Variants in SPAG16 observed in about 807,000 individuals in gnomAD.
SPAG16 encodes the protein sperm-associated antigen 16 protein.
SPAG16 carries 86 observed loss-of-function variants against 80.4 expected under a neutral mutation model. The ratio of observed to expected loss-of-function variants is 1.07; its 90% confidence interval spans 0.90 to 1.28. SPAG16 has a LOEUF of 1.28. Among genes scored for constraint, SPAG16 ranks in the 50% most tolerant of loss-of-function variants. SPAG16 has a pLI of 0.00. For missense variants in SPAG16, 870 were observed against 765.3 expected (o/e 1.14, Z -1.61); for synonymous variants, 294 against 265.9 (o/e 1.11, Z -1.03).
intron 13 of SPAG16, among the ~76,000 whole-genome samples, chr2:214,026,719 G>T (rs574305339): frequency 6.6e-6 from 1 of 151,274 alleles, no homozygotes; most frequent in South Asian, 2.1e-4. Flanking sequence ...CTAGCCTACC[G>T]GTTATTAATC....
chr2:214,204,869 C>A (rs1193091275), intron 15 of SPAG16, among the ~76,000 whole-genome samples: 1 of 151,976 alleles, frequency 6.6e-6, no homozygotes, highest in East Asian at 1.9e-4. Context: ...TTCAGAAAAT[C>A]GATTATTAAG....
chr2:214,229,189 AGT>A (rs373602980), intron 15 of SPAG16, among the ~76,000 whole-genome samples: 33,556 of 151,350 alleles, frequency 0.22, 4,862 homozygotes, highest in African/African-American at 0.42. Context: ...TATAGAAGAA[AGT>A]ATATAAAGGA....
At chr2:213,473,927 G>T (rs769056775) in intron 9 of SPAG16, among the ~76,000 whole-genome samples, 1 of 152,164 alleles carries the variant, frequency 6.6e-6, no homozygotes, top group East Asian at 1.9e-4. Context: ...CAGGTGTTGG[G>T]TGTGGCTCCT....
intron 13 of SPAG16, among the ~76,000 whole-genome samples, chr2:214,049,682 T>C (rs1227607081): frequency 6.6e-6 from 1 of 152,192 alleles, no homozygotes; most frequent in Non-Finnish European, 1.5e-5. Flanking sequence ...ATGGCAGAGC[T>C]GGGGACCAGC....
intron 11 of SPAG16, among the ~76,000 whole-genome samples, chr2:213,879,413 A>G (rs1284405570): frequency 6.6e-6 from 1 of 151,644 alleles, no homozygotes; most frequent in African/African-American, 2.4e-5. Flanking sequence ...ACATATACAC[A>G]CACACACACA....
chr2:213,593,654 C>G (rs1318025194), intron 10 of SPAG16, among the ~76,000 whole-genome samples: 1 of 140,416 alleles, frequency 7.1e-6, no homozygotes, highest in Non-Finnish European at 1.5e-5. Flanking sequence ...ATTATTCCTT[C>G]TCTTTTCTAG....
intron 10 of SPAG16, among the ~76,000 whole-genome samples, chr2:213,556,439 C>T (rs138407974): frequency 9.3e-5 from 14 of 151,326 alleles, no homozygotes; most frequent in African/African-American, 1.9e-4. Context: ...CAAAAGATAG[C>T]GGGGATAGCT....
intron 15 of SPAG16, among the ~76,000 whole-genome samples, chr2:214,162,335 C>T (rs1483783176): frequency 6.6e-6 from 1 of 152,060 alleles, no homozygotes; most frequent in Admixed American, 6.6e-5. Context: ...TTTAACATTC[C>T]ATTGACCATA....
At chr2:213,666,741 A>G (rs2063619179) in intron 10 of SPAG16, among the ~76,000 whole-genome samples, 1 of 152,208 alleles carries the variant, frequency 6.6e-6, no homozygotes, top group African/African-American at 2.4e-5. Context: ...TTTCCAGAAG[A>G]AGAGAAGACT....
At chr2:213,319,611 G>A (rs2063535034) in intron 5 of SPAG16, among the ~76,000 whole-genome samples, 1 of 151,824 alleles carries the variant, frequency 6.6e-6, no homozygotes, top group African/African-American at 2.4e-5. Context: ...ATTTGGTATA[G>A]CATATTTCTC....
intron 13 of SPAG16, among the ~76,000 whole-genome samples, chr2:214,015,712 A>G (rs1449261202): frequency 1.3e-5 from 2 of 152,088 alleles, no homozygotes; most frequent in East Asian, 3.9e-4. Flanking sequence ...TCTGAACACC[A>G]TCCTGTCCTG....
At chr2:213,377,904 T>TATA (rs1491275068) in intron 9 of SPAG16, among the ~76,000 whole-genome samples, 26 of 15,518 alleles carry the variant, frequency 1.7e-3, no homozygotes, top group African/African-American at 7.3e-3. Context: ...TATATATATA[T>TATA]TTTTTTTTTT....
intron 12 of SPAG16, among the ~76,000 whole-genome samples, chr2:213,950,240 C>T (rs890733259): frequency 5.9e-5 from 9 of 152,034 alleles, no homozygotes; most frequent in Admixed American, 1.3e-4. Context: ...TCCTGTGGCC[C>T]GCAGCAGTCT....
intron 10 of SPAG16, among the ~76,000 whole-genome samples, chr2:213,734,416 A>G (rs1280140804): frequency 1.3e-5 from 2 of 152,342 alleles, no homozygotes; most frequent in East Asian, 3.9e-4. Flanking sequence ...ATAAAAAATA[A>G]AGATAAACTG....
intron 1 of SPAG16, among the ~76,000 whole-genome samples, chr2:213,294,585 G>A (rs996783181): frequency 1.3e-5 from 2 of 152,118 alleles, no homozygotes; most frequent in Non-Finnish European, 2.9e-5. Flanking sequence ...ATTAGGAGAG[G>A]CACTTATTCA....
chr2:214,301,841 T>A (rs1576722771), intron 15 of SPAG16, among the ~76,000 whole-genome samples: 2 of 152,258 alleles, frequency 1.3e-5, no homozygotes, highest in Middle Eastern at 6.8e-3. Context: ...TTGTTCTTGT[T>A]TTTTAGTTCC....
At chr2:213,340,117 G>GA in intron 5 of SPAG16, 46 bp from the exon 6 acceptor site, 1 of 1,324,346 alleles carries the variant, frequency 7.6e-7, no homozygotes. Flanking sequence ...ATAATTTTTC[G>GA]AAAAAGAATT....
At chr2:214,230,487 A>C (rs914497036) in intron 15 of SPAG16, among the ~76,000 whole-genome samples, 1 of 152,074 alleles carries the variant, frequency 6.6e-6, no homozygotes, top group African/African-American at 2.4e-5. Flanking sequence ...TTATTACATT[A>C]AACTTTTAAG....
intron 15 of SPAG16, among the ~76,000 whole-genome samples, chr2:214,173,052 G>T (rs1161603960): frequency 1.3e-5 from 2 of 151,370 alleles, no homozygotes; most frequent in Non-Finnish European, 3.0e-5. Flanking sequence ...TAGGTTGCCT[G>T]TTCACTCTGA....
Sources: allele counts gnomAD v4.1 joint callset (sites outside exome capture counted in the v4.1 genomes callset), GRCh38; gene constraint gnomAD v4.1.1; transcripts MANE v1.5; gene names NCBI Gene and HGNC (gene_info 2026-07-23, HGNC 2026-07-21).